MED8: variants seen among roughly 807,000 people sequenced by gnomAD.
The protein encoded by MED8 is mediator complex subunit 8.
A neutral mutation model predicts 34.8 loss-of-function variants in MED8; 22 were observed. The observed-to-expected ratio is 0.63, with a 90% CI of 0.45 to 0.90. MED8 has a LOEUF of 0.90. MED8 is among the 40% of genes least tolerant of loss of function. The pLI, the probability that MED8 is intolerant of heterozygous loss-of-function variation, is 0.00. For synonymous variants in MED8, 105 were observed against 120.2 expected (o/e 0.87, Z 0.83); for missense variants, 260 against 326.3 (o/e 0.80, Z 1.57).
At chr1:43,387,716 A>G in intron 2 of MED8, 69 bp from the exon 3 acceptor site, 1 of 1,567,892 alleles carries the variant, frequency 6.4e-7, no homozygotes, top group Non-Finnish European at 8.7e-7. Context: ...AAATAGTCCT[A>G]GTTCCTTCAG....
At chr1:43,388,932 C>G (rs1203707910) in intron 1 of MED8, 1 of 153,676 alleles carries the variant, frequency 6.5e-6, no homozygotes, top group Non-Finnish European at 1.5e-5. Flanking sequence ...TCCAGCTTTC[C>G]ATCTGCTCTC....
In MED8 at chr1:43,386,547, A is replaced by C; in HGVS notation, c.493+42T>G. The C allele has an allele frequency of 6.4e-7, 1 of 1,572,320 alleles. No homozygotes were observed. Among genetic ancestry groups the C allele is most frequent in the East Asian group, 2.3e-5 (1 of 44,120 alleles). ...CAACCATTCCCATTCCAGTGATCTT[A>C]TATACCTCTCCTTCTCTGTTTAGCC... On this transcript the variant is annotated intron_variant, in intron 5 of 6. Coordinates refer to ENST00000372457, the MANE Select transcript of MED8 (RefSeq NM_201542.5). This position sits in a 1 kb window ranked among gnomAD's most constrained non-coding sequence, Gnocchi z 4.9.
chr1:43,388,655 T>G, intron 1 of MED8: 2 of 571,572 alleles, frequency 3.5e-6, no homozygotes, highest in Non-Finnish European at 6.0e-6. Context: ...CACCAACTGA[T>G]TCCTTTTCCC....
Position 43,386,434 on chromosome 1 carries a change from G to T in MED8, c.493+155C>A. 9.5e-7 allele frequency: 1 copy of T among 1,050,832 alleles called. No homozygotes were observed. The highest frequency in any genetic ancestry group is 1.4e-6 in the Non-Finnish European group (1 of 728,840). 65.1% of individuals were successfully genotyped at this position (1,050,832 alleles called of 1,614,324 possible). On this transcript the variant is annotated intron_variant, in intron 5 of 6. Coordinates refer to ENST00000372457, the MANE Select transcript of MED8 (RefSeq NM_201542.5). This position sits in a 1 kb window ranked among gnomAD's most constrained non-coding sequence, Gnocchi z 4.9. ...TTTGCCCATTTCCTCCACTGCTTCA[G>T]TGCTGGCCTTAAATACAAAAGGCTA...
chr1:43,385,823 A>G (rs1197941537), intron 6 of MED8, 155 bp downstream of exon 6: 4 of 1,244,886 alleles, frequency 3.2e-6, no homozygotes, highest in African/African-American at 1.5e-5. Flanking sequence ...CTCAGATGAG[A>G]TTTTTTTACT....
At chr1:43,385,782 C>A in intron 6 of MED8, 196 bp downstream of exon 6, 1 of 759,952 alleles carries the variant, frequency 1.3e-6, no homozygotes, top group South Asian at 1.8e-5. Flanking sequence ...ACTCAAAGTT[C>A]TTCCTCACTC....
chr1:43,384,210 A>AT lies in MED8; in HGVS notation c.*831dup. The stretch of plus-strand genomic sequence containing the variant: ...CCATTATGAGGTCAACTAAACCCTG[A>AT]TGGCAGTGTGAAGTGCAATTCCCTT... On this transcript the variant is annotated 3_prime_UTR_variant, in exon 7 of 7. Transcript: ENST00000372457. 1 of 429,194 alleles carries AT rather than the reference A, an allele frequency of 2.3e-6. No individual in the cohort carries two copies. The highest frequency in any genetic ancestry group is 4.2e-5 in the East Asian group (1 of 23,562). 26.6% of individuals were successfully genotyped at this position (429,194 alleles called of 1,614,324 possible). A position where few individuals can be genotyped will look rare whatever the true frequency, so the allele number is the denominator to read the frequency against.
chr1:43,388,533 C>A, intron 1 of MED8, 105 bp from the exon 2 acceptor site: 1 of 1,521,252 alleles, frequency 6.6e-7, no homozygotes, highest in Non-Finnish European at 8.8e-7. Context: ...TCAGGTAACA[C>A]AGGATCTCAT....
In MED8 at chr1:43,389,780, G is replaced by A. The variant is rs368919830; in HGVS notation, c.-16C>T. 5.0e-6 allele frequency: 8 copies of A among 1,609,280 alleles called. No individual in the cohort carries two copies. Among genetic ancestry groups the A allele is most frequent in the Non-Finnish European group, 6.8e-6 (8 of 1,177,942 alleles). On this transcript the variant is annotated 5_prime_UTR_variant, in exon 1 of 7. Transcript: ENST00000372457. ...TCACCTGCATTGCGGCGGCCGAGGCGGCTGCCACGATTTCACTTCCGGTTT... is the reference window on the plus strand; with the variant it reads ...TCACCTGCATTGCGGCGGCCGAGGCAGCTGCCACGATTTCACTTCCGGTTT...
At chr1:43,387,882 G>A (rs1231288793) in intron 2 of MED8, among the ~76,000 whole-genome samples, 1 of 152,192 alleles carries the variant, frequency 6.6e-6, no homozygotes, top group African/African-American at 2.4e-5. Context: ...TTTGAATGGG[G>A]TGAGGAACAG....
At position 43,387,532 on chromosome 1, in the gene MED8, A is replaced by C. The variant is rs1163576648; in HGVS notation, c.241T>G (p.Leu81Val). Residue 81 changes from leucine to valine, a missense_variant, in exon 3 of 7, where the codon TTG becomes GTG. Coordinates refer to ENST00000372457, the MANE Select transcript of MED8 (RefSeq NM_201542.5). ...AGATCTTCATCTCGGTCTGGAGACA[A>C]CACCAGAGGAATGATGACCTGGTTA... ...FRNQVIIPLVLSPDRDEDLMR... is the reference protein window; with the variant it reads ...FRNQVIIPLVVSPDRDEDLMR... The C allele has an allele frequency of 6.2e-7, 1 of 1,613,898 alleles. No individual in the cohort carries two copies. The highest frequency in any genetic ancestry group is 8.5e-7 in the Non-Finnish European group (1 of 1,179,900).
chr1:43,384,784 C>T lies in MED8; in HGVS notation c.*258G>A. On this transcript the variant is annotated 3_prime_UTR_variant, in exon 7 of 7. Coordinates refer to ENST00000372457, the MANE Select transcript of MED8 (RefSeq NM_201542.5). The stretch of plus-strand genomic sequence containing the variant: ...TTCATATACTGTACTAAGTGCTTTA[C>T]ATTCATTTCCTCATTTTAATCCTCA... 7.1e-7 allele frequency: 1 copy of T among 1,407,886 alleles called. No homozygotes were observed. The highest frequency in any genetic ancestry group is 9.3e-7 in the Non-Finnish European group (1 of 1,080,360). The allele number at this position is 1,407,886 out of a possible 1,614,324, so 87.2% of individuals were successfully genotyped here.
chr1:43,388,614 TCCAACCTG>T, intron 1 of MED8, 186 bp from the exon 2 acceptor site: 1 of 953,216 alleles, frequency 1.0e-6, no homozygotes, highest in Non-Finnish European at 1.5e-6. Flanking sequence ...CCTGAGACCT[TCCAACCTG>T]TTTGCCTGAC....
Position 43,384,362 on chromosome 1 carries a change from G to C in MED8, c.*680C>G. The C allele has an allele frequency of 6.8e-7, 1 of 1,471,990 alleles. No individual in the cohort carries two copies. The allele number at this position is 1,471,990 out of a possible 1,614,324, so 91.2% of individuals were successfully genotyped here. A position where few individuals can be genotyped will look rare whatever the true frequency, so the allele number is the denominator to read the frequency against. On this transcript the variant is annotated 3_prime_UTR_variant, in exon 7 of 7. Transcript: ENST00000372457. The stretch of plus-strand genomic sequence containing the variant: ...GAGAAAGCCTCGTGTGTATAAGGTG[G>C]GGTAAAGGATAGGGGACTTTATGAC...
In MED8 at chr1:43,386,205, G is replaced by A. The variant is rs774429620; in HGVS notation, c.515C>T (p.Thr172Ile). Residue 172 changes from threonine (T) to isoleucine (I), a missense_variant, in exon 6 of 7, where the codon ACC (threonine) becomes ATC (isoleucine). Physicochemically the swap from Thr to Ile is moderately conservative, Grantham distance 89. Transcript: ENST00000372457. The surrounding 1 kb of genome is among the most constrained non-coding windows in gnomAD (Gnocchi z 4.9). Reference sequence around the variant, plus strand: ...GGCATTAGTGTCTGTAGGGTTAAAGGTCTGCTTGTTCGGCCGGAGACCTGA... The same window carrying A: ...GGCATTAGTGTCTGTAGGGTTAAAGATCTGCTTGTTCGGCCGGAGACCTGA... ...ESGGLRPNKQTFNPTDTNALV... is the reference protein window; with the variant it reads ...ESGGLRPNKQIFNPTDTNALV... 6.2e-7 allele frequency: 1 copy of A among 1,613,788 alleles called. No individual in the cohort carries two copies. The highest frequency in any genetic ancestry group is 8.5e-7 in the Non-Finnish European group (1 of 1,179,826).
rs1647633779 is a variant in MED8 at position 43,384,025 on chromosome 1, C to A, written c.*1017G>T. Reference sequence around the variant, plus strand: ...AAGAAAGGCAGGTTAGCCTGAATGTCTAAATTCAATTTGTTCAACTTTATA... The same window carrying A: ...AAGAAAGGCAGGTTAGCCTGAATGTATAAATTCAATTTGTTCAACTTTATA... On this transcript the variant is annotated 3_prime_UTR_variant, in exon 7 of 7. Coordinates refer to ENST00000372457, the MANE Select transcript of MED8 (RefSeq NM_201542.5). The A allele has an allele frequency of 6.4e-6, 1 of 156,084 alleles. No individual in the cohort carries two copies. Among genetic ancestry groups the A allele is most frequent in the African/African-American group, 2.4e-5 (1 of 41,672 alleles). 9.7% of individuals were successfully genotyped at this position (156,084 alleles called of 1,614,324 possible).
At chr1:43,387,363 T>A (rs754236951) in intron 3 of MED8, 140 bp downstream of exon 3, 148 of 1,130,316 alleles carry the variant, frequency 1.3e-4, no homozygotes, top group Non-Finnish European at 1.6e-4. Flanking sequence ...TGGGAGTGGC[T>A]CTCCCGCCTT....
chr1:43,384,236 C>T lies in MED8; in HGVS notation c.*806G>A. The T allele has an allele frequency of 1.9e-6, 1 of 521,614 alleles. No individual in the cohort carries two copies. Among genetic ancestry groups the T allele is most frequent in the Middle Eastern group, 5.2e-4 (1 of 1,940 alleles). 32.3% of individuals were successfully genotyped at this position (521,614 alleles called of 1,614,324 possible). On this transcript the variant is annotated 3_prime_UTR_variant, in exon 7 of 7. Transcript: ENST00000372457. ...TGGCAGTGTGAAGTGCAATTCCCTT[C>T]TCCCTCCAAAATAAGAAACATGAAT...
Position 43,387,617 on chromosome 1 carries a change from A to G in MED8, c.156T>C (p.Leu52=), listed in dbSNP as rs1433797729. 6.2e-7 allele frequency: 1 copy of G among 1,613,880 alleles called. No homozygotes were observed. The highest frequency in any genetic ancestry group is 8.5e-7 in the Non-Finnish European group (1 of 1,179,906). ...WPSVLDSFAL[L]SGQLNTLNKV... Reference sequence around the variant, plus strand: ...TGTTCAGAGTGTTCAGCTGTCCAGAAAGCAAGGCAAAGCTGTCCAGGACAG... The same window carrying G: ...TGTTCAGAGTGTTCAGCTGTCCAGAGAGCAAGGCAAAGCTGTCCAGGACAG... The change falls in exon 3 of 7, where the codon CTT becomes CTC. Residue 52 remains leucine (L), a synonymous_variant. Coordinates refer to ENST00000372457, the MANE Select transcript of MED8 (RefSeq NM_201542.5).
Sources: gnomAD v4.1 joint callset for allele counts (sites outside exome capture counted in the v4.1 genomes callset) on GRCh38, gnomAD v4.1.1 for gene constraint, Gnocchi (gnomAD v3.1) non-coding constraint, MANE v1.5 for transcripts, NCBI Gene and HGNC (gene_info 2026-07-23, HGNC 2026-07-21) for gene names.